MALRD1: variants seen among roughly 807,000 people sequenced by gnomAD.
MALRD1 encodes the protein MAM and LDL-receptor class A domain-containing protein 1.
Under a neutral mutation model 242.1 loss-of-function variants are expected in MALRD1, and 247 were observed. The observed-to-expected ratio is 1.02, with a 90% CI of 0.92 to 1.13. The LOEUF is 1.13. MALRD1 is among the 50% of genes most tolerant of loss of function. The pLI is 0.00. For missense variants in MALRD1, 2,989 were observed against 2,533.1 expected (o/e 1.18, Z -3.86); for synonymous variants, 995 against 866.6 (o/e 1.15, Z -2.60).
intron 22 of MALRD1, among the ~76,000 whole-genome samples, chr10:19,327,196 A>G (rs1239838165): frequency 6.6e-6 from 1 of 152,116 alleles, no homozygotes; most frequent in East Asian, 1.9e-4. Flanking sequence ...TGTTTTAGTA[A>G]GCAATTCCAT....
At chr10:19,074,772 A>C (rs1249040105) in intron 2 of MALRD1, among the ~76,000 whole-genome samples, 2 of 152,048 alleles carry the variant, frequency 1.3e-5, no homozygotes, top group Non-Finnish European at 2.9e-5. Context: ...TTTGGCAGCA[A>C]ATTTATTTTT....
chr10:19,606,956 C>T (rs1373989719), intron 34 of MALRD1, among the ~76,000 whole-genome samples: 4 of 152,046 alleles, frequency 2.6e-5, no homozygotes, highest in African/African-American at 7.2e-5. Flanking sequence ...ACTGAGCTTC[C>T]TAATAGACAA....
chr10:19,378,710 A>T (rs969627899), intron 26 of MALRD1, among the ~76,000 whole-genome samples: 2 of 152,088 alleles, frequency 1.3e-5, no homozygotes, highest in Admixed American at 6.6e-5. Flanking sequence ...TATGTGCAGA[A>T]CTTTATTGGC....
intron 18 of MALRD1, among the ~76,000 whole-genome samples, chr10:19,218,908 G>A (rs957866127): frequency 2.0e-5 from 3 of 152,032 alleles, no homozygotes; most frequent in Admixed American, 1.3e-4. Flanking sequence ...ATAGCAGCTT[G>A]AAGGCTAATA....
chr10:19,475,550 C>G (rs1048445645), intron 29 of MALRD1, among the ~76,000 whole-genome samples: 1 of 152,086 alleles, frequency 6.6e-6, no homozygotes, highest in African/African-American at 2.4e-5. Context: ...CACAGCAAAC[C>G]TATTGAATTC....
At chr10:19,620,247 A>G (rs1345607491) in intron 36 of MALRD1, among the ~76,000 whole-genome samples, 3 of 151,868 alleles carry the variant, frequency 2.0e-5, no homozygotes, top group Non-Finnish European at 4.4e-5. Flanking sequence ...GGTGTGGTGT[A>G]CAGATTATTT....
intron 29 of MALRD1, among the ~76,000 whole-genome samples, chr10:19,462,409 C>T (rs10159627): frequency 0.34 from 52,096 of 152,074 alleles, 9,171 homozygotes; most frequent in East Asian, 0.43. Flanking sequence ...GCAATAAAGG[C>T]GCTTGCCCAC....
chr10:19,611,627 G>T (rs1056576059), intron 35 of MALRD1, among the ~76,000 whole-genome samples: 4 of 151,962 alleles, frequency 2.6e-5, no homozygotes, highest in African/African-American at 7.2e-5. Flanking sequence ...TAGATTCCCA[G>T]TTCCCATATT....
intron 19 of MALRD1, among the ~76,000 whole-genome samples, chr10:19,262,820 C>T (rs1013407055): frequency 1.3e-5 from 2 of 152,158 alleles, no homozygotes; most frequent in Non-Finnish European, 2.9e-5. Context: ...CCTCTGCTAA[C>T]TACCTCTGTA....
intron 8 of MALRD1, among the ~76,000 whole-genome samples, chr10:19,131,990 A>C (rs1208836720): frequency 6.6e-6 from 1 of 152,180 alleles, no homozygotes; most frequent in Non-Finnish European, 1.5e-5. Context: ...AAACATTGCT[A>C]GTGCCATCAG....
chr10:19,555,936 G>A (rs980728981), intron 32 of MALRD1, among the ~76,000 whole-genome samples: 2 of 152,128 alleles, frequency 1.3e-5, no homozygotes, highest in African/African-American at 4.8e-5. Flanking sequence ...GTGACTAAAT[G>A]TATTAACGGA....
intron 21 of MALRD1, among the ~76,000 whole-genome samples, chr10:19,291,776 C>A (rs1395165991): frequency 6.6e-6 from 1 of 151,194 alleles, no homozygotes. Context: ...GCTCTAAGGT[C>A]CTTCCATTAA....
At chr10:19,725,871 T>C (rs1269963750) in intron 38 of MALRD1, among the ~76,000 whole-genome samples, 2 of 152,200 alleles carry the variant, frequency 1.3e-5, no homozygotes, top group African/African-American at 4.8e-5. Context: ...GTAGATGATA[T>C]TGGGACAACT....
At chr10:19,688,359 C>G (rs1288004592) in intron 36 of MALRD1, among the ~76,000 whole-genome samples, 1 of 152,130 alleles carries the variant, frequency 6.6e-6, no homozygotes, top group Non-Finnish European at 1.5e-5. Flanking sequence ...AACTCTTGGG[C>G]TTAAGCAGTT....
chr10:19,649,846 T>A (rs910150587), intron 36 of MALRD1, among the ~76,000 whole-genome samples: 2 of 152,294 alleles, frequency 1.3e-5, no homozygotes, highest in South Asian at 4.1e-4. Context: ...TTCCAGGGTT[T>A]TTATAGTTTT....
intron 5 of MALRD1, among the ~76,000 whole-genome samples, chr10:19,113,947 C>T (rs1317245684): frequency 6.6e-6 from 1 of 152,154 alleles, no homozygotes; most frequent in Admixed American, 6.5e-5. Flanking sequence ...ACAGAACAAG[C>T]ACTTAATAAA....
intron 26 of MALRD1, among the ~76,000 whole-genome samples, chr10:19,386,628 T>G (rs1846086853): frequency 6.6e-6 from 1 of 152,118 alleles, no homozygotes; most frequent in South Asian, 2.1e-4. Flanking sequence ...TTCATGTATT[T>G]GACTAATATT....
At chr10:19,610,022 A>G (rs889027769) in intron 35 of MALRD1, among the ~76,000 whole-genome samples, 1 of 151,892 alleles carries the variant, frequency 6.6e-6, no homozygotes. Context: ...ACCAAAACAA[A>G]CACAAACACT....
chr10:19,625,117 C>A (rs537929152), intron 36 of MALRD1, among the ~76,000 whole-genome samples: 1 of 151,816 alleles, frequency 6.6e-6, no homozygotes, highest in East Asian at 2.0e-4. Flanking sequence ...TTCCCAGAGA[C>A]AAAAAATAAA....
Sources: gnomAD v4.1 joint callset for allele counts (sites outside exome capture counted in the v4.1 genomes callset) on GRCh38, gnomAD v4.1.1 for gene constraint, MANE v1.5 for transcripts, NCBI Gene and HGNC (gene_info 2026-07-23, HGNC 2026-07-21) for gene names.